L3MBTL4: variants seen among roughly 807,000 people sequenced by gnomAD.
L3MBTL4 encodes lethal(3)malignant brain tumor-like protein 4.
In L3MBTL4, 70 loss-of-function variants were observed where a neutral mutation model predicts 84.5. That is an observed-to-expected ratio of 0.83 (90% CI 0.68 to 1.01). L3MBTL4 has a LOEUF of 1.01. Among genes scored for constraint, L3MBTL4 ranks in the 50% least tolerant of loss-of-function variants. L3MBTL4 has a pLI of 0.00. For missense variants in L3MBTL4, 715 were observed against 754.8 expected (o/e 0.95, Z 0.62); for synonymous variants, 274 against 259.8 (o/e 1.05, Z -0.52).
intron 12 of L3MBTL4, among the ~76,000 whole-genome samples, chr18:6,184,267 T>C (rs1238568999): frequency 1.3e-5 from 2 of 152,232 alleles, no homozygotes; most frequent in African/African-American, 4.8e-5. Flanking sequence ...ACTCTGATTT[T>C]ACATCCGTCA....
At chr18:6,094,416 C>T (rs933974342) in intron 14 of L3MBTL4, among the ~76,000 whole-genome samples, 2 of 152,174 alleles carry the variant, frequency 1.3e-5, no homozygotes, top group African/African-American at 4.8e-5. Flanking sequence ...GGAGATCCAA[C>T]TCATAAGGGT....
intron 1 of L3MBTL4, among the ~76,000 whole-genome samples, chr18:6,341,018 GA>G (rs2052582009): frequency 6.6e-6 from 1 of 152,052 alleles, no homozygotes; most frequent in Non-Finnish European, 1.5e-5. Context: ...CTGTAAGAAG[GA>G]ACAAGAGCAG....
intron 14 of L3MBTL4, among the ~76,000 whole-genome samples, chr18:6,094,039 G>A (rs1479581152): frequency 2.0e-5 from 3 of 152,214 alleles, no homozygotes; most frequent in Non-Finnish European, 4.4e-5. Context: ...TTGGGCTGGG[G>A]TGTGAAAGGA....
At chr18:6,240,476 C>A (rs948540332) in intron 8 of L3MBTL4, among the ~76,000 whole-genome samples, 1 of 151,318 alleles carries the variant, frequency 6.6e-6, no homozygotes, top group Non-Finnish European at 1.5e-5. Flanking sequence ...ACTATCTGTG[C>A]TTTTCTTAGT....
At chr18:6,041,461 AC>A (rs1426157411) in intron 16 of L3MBTL4, among the ~76,000 whole-genome samples, 2 of 113,948 alleles carry the variant, frequency 1.8e-5, no homozygotes, top group African/African-American at 3.4e-5. Flanking sequence ...GCTGAAATTG[AC>A]TTTTTTTTTT....
chr18:6,380,239 C>G, intron 1 of L3MBTL4, among the ~76,000 whole-genome samples: 1 of 152,068 alleles, frequency 6.6e-6, no homozygotes, highest in Non-Finnish European at 1.5e-5. Flanking sequence ...AGCAGTCTAT[C>G]TATTTTGTTG....
Position 6,237,865 on chromosome 18 carries a change from T to C in L3MBTL4, c.784+99A>G, listed in dbSNP as rs74841619. On this transcript the variant is annotated intron_variant, in intron 10 of 18. Transcript: ENST00000317931. ...CACATAGTGTTTTTATCATATTAAATAGATATGTATTAAAATCTGGTCTTC... is the reference window on the plus strand; with the variant it reads ...CACATAGTGTTTTTATCATATTAAACAGATATGTATTAAAATCTGGTCTTC... The C allele has an allele frequency of 1.1e-3, 954 of 863,424 alleles. 10 individuals carry two copies. The African/African-American group carries it at 0.015, about 13-fold the overall frequency. 53.5% of individuals were successfully genotyped at this position (863,424 alleles called of 1,614,324 possible).
At chr18:6,395,433 C>T (rs1294859530) in intron 1 of L3MBTL4, 1 of 152,088 alleles carries the variant, frequency 6.6e-6, no homozygotes, top group Non-Finnish European at 1.5e-5. Flanking sequence ...TAATTGCCCC[C>T]TTTTACTGAC....
At chr18:6,188,347 A>G (rs1451033489) in intron 12 of L3MBTL4, among the ~76,000 whole-genome samples, 1 of 151,154 alleles carries the variant, frequency 6.6e-6, no homozygotes, top group East Asian at 1.9e-4. Context: ...GTAATTATTA[A>G]TAAATTAATA....
At chr18:6,123,385 G>A (rs1301327896) in intron 14 of L3MBTL4, among the ~76,000 whole-genome samples, 1 of 152,162 alleles carries the variant, frequency 6.6e-6, no homozygotes, top group African/African-American at 2.4e-5. Flanking sequence ...TATCATGGGA[G>A]GGACCCAGTG....
intron 16 of L3MBTL4, among the ~76,000 whole-genome samples, chr18:5,973,161 A>T (rs1282173944): frequency 1.3e-5 from 2 of 152,196 alleles, no homozygotes; most frequent in Non-Finnish European, 2.9e-5. Context: ...TGTGTCTGAA[A>T]CTCACAAAAT....
chr18:6,238,613 A>G (rs1414691364), intron 9 of L3MBTL4, among the ~76,000 whole-genome samples: 22 of 152,348 alleles, frequency 1.4e-4, no homozygotes, highest in Non-Finnish European at 2.9e-4. Flanking sequence ...AAAGTGAGTG[A>G]GCATTTTAAT....
chr18:6,185,712 T>C (rs2044693665), intron 12 of L3MBTL4, among the ~76,000 whole-genome samples: 1 of 152,068 alleles, frequency 6.6e-6, no homozygotes, highest in Non-Finnish European at 1.5e-5. Flanking sequence ...ATTTAAAAAG[T>C]GGAGCAATAA....
intron 3 of L3MBTL4, among the ~76,000 whole-genome samples, chr18:6,309,738 T>C (rs1392219380): frequency 6.6e-6 from 1 of 152,210 alleles, no homozygotes; most frequent in East Asian, 1.9e-4. Context: ...GGTTAAATAC[T>C]CAGATTGTAG....
intron 14 of L3MBTL4, among the ~76,000 whole-genome samples, chr18:6,134,066 G>A (rs2059955002): frequency 1.3e-5 from 2 of 152,148 alleles, no homozygotes; most frequent in African/African-American, 4.8e-5. Context: ...CACATGGCTG[G>A]GGAGGCCTCA....
In L3MBTL4 at chr18:6,215,663, CTA is replaced by C. The variant is rs985520145; in HGVS notation, c.870+85_870+86del. ...ACTACTTGAATTTAGAAAGAAAAAA[CTA>C]GAATAATTTTAAACTGCCAAATGTA... On this transcript the variant is annotated intron_variant, in intron 11 of 18. Transcript: ENST00000317931. The C allele has an allele frequency of 1.9e-5, 12 of 616,608 alleles. No homozygotes were observed. The African/African-American group carries it at 2.1e-4, about 11-fold the overall frequency. 38.2% of individuals were successfully genotyped at this position (616,608 alleles called of 1,614,324 possible).
At chr18:6,046,245 A>G (rs1458419225) in intron 16 of L3MBTL4, among the ~76,000 whole-genome samples, 1 of 152,214 alleles carries the variant, frequency 6.6e-6, no homozygotes, top group African/African-American at 2.4e-5. Context: ...TGGGGCACCC[A>G]GATTCATGAA....
intron 16 of L3MBTL4, chr18:6,025,210 C>A (rs1436190213): frequency 6.6e-6 from 1 of 152,212 alleles, no homozygotes; most frequent in Non-Finnish European, 1.5e-5. Flanking sequence ...AGCTAAGCAT[C>A]CATTGGATAG....
chr18:6,108,524 T>G (rs1162252122), intron 14 of L3MBTL4, among the ~76,000 whole-genome samples: 1 of 152,138 alleles, frequency 6.6e-6, no homozygotes, highest in Non-Finnish European at 1.5e-5. Context: ...TATATATTAT[T>G]CAGGACCATG....
Sources: allele counts gnomAD v4.1 joint callset (sites outside exome capture counted in the v4.1 genomes callset), GRCh38; gene constraint gnomAD v4.1.1; transcripts MANE v1.5; gene names NCBI Gene and HGNC (gene_info 2026-07-23, HGNC 2026-07-21).